MYO5B: variants seen among roughly 807,000 people sequenced by gnomAD.
MYO5B encodes the protein unconventional myosin-Vb.
Under a neutral mutation model 229.3 loss-of-function variants are expected in MYO5B, and 143 were observed. That is an observed-to-expected ratio of 0.62 (90% CI 0.54 to 0.72). MYO5B has a LOEUF of 0.72. MYO5B is among the 30% of genes least tolerant of loss of function. MYO5B has a pLI of 0.00. For synonymous variants in MYO5B, 918 were observed against 885.2 expected, an observed-to-expected ratio of 1.04 and a Z score of -0.66; for missense variants, 2,321 against 2,331.0, an observed-to-expected ratio of 1.00 and a Z score of 0.09.
intron 1 of MYO5B, among the ~76,000 whole-genome samples, chr18:50,194,244 C>A (rs1053006772): frequency 3.3e-5 from 5 of 152,210 alleles, no homozygotes; most frequent in African/African-American, 1.2e-4. Flanking sequence ...CCAGAACCCC[C>A]ACCTCTCCCA....
rs117716789 is a variant in MYO5B at position 50,176,796 on chromosome 18, T to G, written c.27+17971A>C. On this transcript the variant is annotated intron_variant, in intron 1 of 39. Transcript: ENST00000285039. Reference sequence around the variant, plus strand: ...TAAAATCAACAGCACTATCCTTTTCTAAAGGCTGCAACTATTTAAGCAACT... The same window carrying G: ...TAAAATCAACAGCACTATCCTTTTCGAAAGGCTGCAACTATTTAAGCAACT... Among the ~76,000 whole-genome samples, 6 of 152,348 alleles carry G rather than the reference T, an allele frequency of 3.9e-5. No individual in the cohort carries two copies. In the South Asian group the frequency reaches 6.2e-4, roughly 16 times the overall value.
chr18:50,005,580 C>G (rs960289777), intron 4 of MYO5B, among the ~76,000 whole-genome samples: 1 of 152,148 alleles, frequency 6.6e-6, no homozygotes, highest in Non-Finnish European at 1.5e-5. Context: ...CCACATCTGG[C>G]TAATTTTTCT....
At chr18:50,193,445 G>A (rs953700680) in intron 1 of MYO5B, among the ~76,000 whole-genome samples, 3 of 152,376 alleles carry the variant, frequency 2.0e-5, no homozygotes, top group East Asian at 3.9e-4. Flanking sequence ...TCCCCTCCAG[G>A]AGGAATGGGA....
chr18:49,881,200 G>A (rs756489286), intron 22 of MYO5B, among the ~76,000 whole-genome samples: 9 of 152,116 alleles, frequency 5.9e-5, no homozygotes, highest in Admixed American at 4.6e-4. Flanking sequence ...TCATGTTTTT[G>A]TATTTGTTTG....
At chr18:49,910,269 C>G (rs1353634951) in intron 18 of MYO5B, among the ~76,000 whole-genome samples, 2 of 152,052 alleles carry the variant, frequency 1.3e-5, no homozygotes, top group Non-Finnish European at 2.9e-5. Context: ...GATCCGGGTC[C>G]CCTCCAGAGT....
chr18:50,079,302 C>T (rs1393481328), intron 1 of MYO5B, among the ~76,000 whole-genome samples: 1 of 152,218 alleles, frequency 6.6e-6, no homozygotes. Flanking sequence ...TATATTGTCT[C>T]CCCCAGAATC....
intron 22 of MYO5B, among the ~76,000 whole-genome samples, chr18:49,891,375 T>TG (rs1006464757): frequency 7.2e-5 from 11 of 152,198 alleles, no homozygotes; most frequent in Non-Finnish European, 1.2e-4. Context: ...TTGTAGCCCT[T>TG]GGGGGGTAAT....
rs1359561556 is a variant in MYO5B, at chr18:50,040,307, T to C, written c.146A>G (p.Glu49Gly). Residue 49 changes from glutamate to glycine, a missense_variant, in exon 3 of 40, where the codon GAA (glutamate) becomes GGA (glycine). Around this residue, in one of 2 missense-constraint regions of MYO5B, gnomAD observed 2,113 missense variants for 2,044.7 expected, o/e 1.03. Transcript: ENST00000285039. Reference sequence around the variant, plus strand: ...GTTGCGTTGTACATCAATTGGGTATTCCAGAATCTAAAGACATGCAAGTAG... The same window carrying C: ...GTTGCGTTGTACATCAATTGGGTATCCCAGAATCTAAAGACATGCAAGTAG... ...QLRLEDETIL[E>G]YPIDVQRNQL... 6.2e-7 allele frequency: 1 copy of C among 1,614,054 alleles called. No homozygotes were observed. Among genetic ancestry groups the C allele is most frequent in the Admixed American group, 1.7e-5 (1 of 60,016 alleles).
chr18:49,913,650 G>A (rs2144164531), intron 17 of MYO5B, among the ~76,000 whole-genome samples: 1 of 152,262 alleles, frequency 6.6e-6, no homozygotes, highest in South Asian at 2.1e-4. Context: ...GAAGAGGACA[G>A]TTCCCTGGCA....
intron 4 of MYO5B, among the ~76,000 whole-genome samples, chr18:50,029,122 C>T (rs1371921732): frequency 6.6e-6 from 1 of 152,182 alleles, no homozygotes; most frequent in African/African-American, 2.4e-5. Flanking sequence ...AACAATAAAA[C>T]TAGCAATTTG....
At chr18:50,088,804 T>C (rs1009431900) in intron 1 of MYO5B, among the ~76,000 whole-genome samples, 5 of 152,228 alleles carry the variant, frequency 3.3e-5, no homozygotes, top group Non-Finnish European at 1.5e-5. Flanking sequence ...TGCATATCTA[T>C]CTTATCTATC....
At chr18:49,851,948 C>T (rs555117198) in intron 31 of MYO5B, among the ~76,000 whole-genome samples, 5 of 152,282 alleles carry the variant, frequency 3.3e-5, no homozygotes, top group South Asian at 2.1e-4. Flanking sequence ...AGGAGGACCA[C>T]GTTCTGGAAG....
chr18:49,883,715 A>G, intron 22 of MYO5B, among the ~76,000 whole-genome samples: 1 of 152,246 alleles, frequency 6.6e-6, no homozygotes. Flanking sequence ...TCACACTTCT[A>G]AATTTTAAAA....
At chr18:50,166,990 A>G (rs2032861835) in intron 1 of MYO5B, among the ~76,000 whole-genome samples, 1 of 152,250 alleles carries the variant, frequency 6.6e-6, no homozygotes, top group East Asian at 1.9e-4. Context: ...TTAGGTGAAT[A>G]TAAAAGACGC....
intron 10 of MYO5B, among the ~76,000 whole-genome samples, chr18:49,971,690 T>C (rs962018240): frequency 6.6e-6 from 1 of 152,188 alleles, no homozygotes; most frequent in Non-Finnish European, 1.5e-5. Context: ...CACTTCCATA[T>C]TTAGGGCATG....
At chr18:49,887,341 G>A (rs1444914890) in intron 22 of MYO5B, among the ~76,000 whole-genome samples, 2 of 152,018 alleles carry the variant, frequency 1.3e-5, no homozygotes, top group Non-Finnish European at 2.9e-5. Context: ...GATGGCAAGG[G>A]GTCTTGATCT....
chr18:49,929,433 C>T, intron 17 of MYO5B, 79 bp downstream of exon 17: 1 of 1,190,686 alleles, frequency 8.4e-7, no homozygotes, highest in African/African-American at 1.5e-5. Flanking sequence ...GCCGACGGTA[C>T]ACAGAGGGCT....
chr18:50,123,449 G>T (rs763309834), intron 1 of MYO5B, among the ~76,000 whole-genome samples: 5 of 152,250 alleles, frequency 3.3e-5, no homozygotes, highest in Middle Eastern at 3.4e-3. Context: ...TTAAAAATTG[G>T]CCAGGTGAGG....
At chr18:49,976,305 T>G (rs2025750121) in intron 9 of MYO5B, among the ~76,000 whole-genome samples, 1 of 152,208 alleles carries the variant, frequency 6.6e-6, no homozygotes, top group Admixed American at 6.5e-5. Context: ...CCAGGCAATT[T>G]TTTCCTCCTA....
Sources: gnomAD v4.1 joint callset for allele counts (sites outside exome capture counted in the v4.1 genomes callset) on GRCh38, gnomAD v4.1.1 for gene constraint, gnomAD v4.1.1 regional missense constraint, MANE v1.5 for transcripts, NCBI Gene and HGNC (gene_info 2026-07-23, HGNC 2026-07-21) for gene names.